Variants in SLC2A5 observed in about 807,000 individuals in gnomAD.
SLC2A5 encodes solute carrier family 2 member 5.
A neutral mutation model predicts 50.3 loss-of-function variants in SLC2A5; 56 were observed. The ratio of observed to expected loss-of-function variants is 1.11; its 90% CI spans 0.90 to 1.39. The LOEUF is 1.39. Among genes scored for constraint, SLC2A5 ranks in the 40% most tolerant of loss-of-function variants. SLC2A5 has a pLI of 0.00. For missense variants in SLC2A5, 566 were observed against 650.1 expected (o/e 0.87, Z 1.41); for synonymous variants, 269 against 281.9 (o/e 0.95, Z 0.46).
At position 9,037,536 on chromosome 1, in the gene SLC2A5, C is replaced by G. The variant is rs1641161929; in HGVS notation, c.*50G>C. 6.5e-7 allele frequency: 1 copy of G among 1,527,030 alleles called. No homozygotes were observed. Among genetic ancestry groups the G allele is most frequent in the South Asian group, 1.1e-5 (1 of 88,570 alleles). The allele number at this position is 1,527,030 out of a possible 1,614,324, so 94.6% of individuals were successfully genotyped here. On this transcript the variant is annotated 3_prime_UTR_variant, in exon 12 of 12. Transcript: ENST00000377424. Reference sequence around the variant, plus strand: ...ACAGCTAGAAGTCAGAAAAATAAGCCAAAGTGGGAAGCCCCTGGCAGACCA... The same window carrying G: ...ACAGCTAGAAGTCAGAAAAATAAGCGAAAGTGGGAAGCCCCTGGCAGACCA...
In SLC2A5 at chr1:9,035,245, G is replaced by T. The variant is rs1372310013; in HGVS notation, c.*2341C>A. ...GGCAGGACCAAGGTTTGAACCCAGG[G>T]AGCAGACATCCAGAACCATGAACTT... is the stretch of plus-strand genomic sequence containing the variant. On this transcript the variant is annotated 3_prime_UTR_variant, in exon 12 of 12. Coordinates refer to ENST00000377424, the MANE Select transcript of SLC2A5 (RefSeq NM_003039.3). 1.3e-5 allele frequency: 2 copies of T among 152,192 alleles called. No individual in the cohort carries two copies. Among genetic ancestry groups the T allele is most frequent in the Non-Finnish European group, 2.9e-5 (2 of 68,048 alleles). The allele number at this position is 152,192 out of a possible 1,614,324, so 9.4% of individuals were successfully genotyped here.
chr1:9,041,329 G>A (rs1315795103), intron 5 of SLC2A5: 2 of 549,316 alleles, frequency 3.6e-6, no homozygotes, highest in Non-Finnish European at 5.5e-6. Context: ...CTCCCCCATG[G>A]GGCCAGGCCA....
intron 1 of SLC2A5, among the ~76,000 whole-genome samples, chr1:9,067,808 A>G (rs1415222497): frequency 6.6e-6 from 1 of 152,148 alleles, no homozygotes; most frequent in Non-Finnish European, 1.5e-5. Flanking sequence ...AACACACAAG[A>G]CAGCCCCTAC....
chr1:9,056,271 C>T lies in SLC2A5; in HGVS notation c.293+1177G>A, dbSNP rs781675607. The stretch of plus-strand genomic sequence containing the variant: ...TGCGATCTTAGCTCACGGCAACCTC[C>T]GCTTCCCAGGCTCAAGCAATTCTCC... On this transcript the variant is annotated intron_variant, in intron 3 of 11. Transcript: ENST00000377424. Among the ~76,000 whole-genome samples, 5 of 152,108 alleles carry T rather than the reference C, an allele frequency of 3.3e-5. No individual in the cohort carries two copies. In the East Asian group the frequency reaches 7.7e-4, roughly 23 times the overall value.
At position 9,039,591 on chromosome 1, in the gene SLC2A5, G is replaced by A. The variant is rs1227581337; in HGVS notation, c.957C>T (p.Ala319=). 1 of 1,575,766 alleles carries A rather than the reference G, an allele frequency of 6.3e-7. No homozygotes were observed. The highest frequency in any genetic ancestry group is 1.8e-5 in the Admixed American group (1 of 55,412). Residue 319 remains alanine, a synonymous_variant, in exon 8 of 12, where the codon GCC becomes GCT. Transcript: ENST00000377424. Reference sequence around the variant, plus strand: ...TGACCACGTTCACGGCCCCGGTGCCGGCCGTCACGTACTGCACGTGCTCCT... The same window carrying A: ...TGACCACGTTCACGGCCCCGGTGCCAGCCGTCACGTACTGCACGTGCTCCT... ...VPEEHVQYVT[A]GTGAVNVVMT...
At chr1:9,078,308 G>T (rs778123802) in intron 2 of SLC2A5, among the ~76,000 whole-genome samples, 1 of 152,266 alleles carries the variant, frequency 6.6e-6, no homozygotes, top group South Asian at 2.1e-4. Context: ...CATCAGCAAG[G>T]TTTTTGTGAC....
At chr1:9,055,417 C>G (rs1406012992) in intron 3 of SLC2A5, among the ~76,000 whole-genome samples, 1 of 151,132 alleles carries the variant, frequency 6.6e-6, no homozygotes, top group Non-Finnish European at 1.5e-5. Flanking sequence ...CTTGGGAGGC[C>G]GAGGCAGGAG....
intron 1 of SLC2A5, among the ~76,000 whole-genome samples, chr1:9,063,759 G>T (rs1277566614): frequency 1.8e-5 from 2 of 108,772 alleles, no homozygotes; most frequent in Non-Finnish European, 3.5e-5. Flanking sequence ...GCAGTGGCGC[G>T]ATCTCGGCTC....
intron 1 of SLC2A5, among the ~76,000 whole-genome samples, chr1:9,059,562 A>AGAGTCTTGC (rs58799445): frequency 0.51 from 48,083 of 94,354 alleles, 9,433 homozygotes; most frequent in East Asian, 0.74. Flanking sequence ...TTTCTGAGAC[A>AGAGTCTTGC]TTTCTTGCCC....
At chr1:9,041,557 C>A in intron 5 of SLC2A5, 1 of 1,370,464 alleles carries the variant, frequency 7.3e-7, no homozygotes, top group Non-Finnish European at 9.5e-7. Flanking sequence ...CCTCATCCAT[C>A]TCCTAAGAGG....
At position 9,058,225 on chromosome 1, in the gene SLC2A5, G is replaced by T; in HGVS notation, c.59C>A (p.Ala20Glu). The part of the protein sequence containing the change: ...EGRLTLVLAL[A>E]TLIAAFGSSF... ...TGACCCAAAGGCAGCTATCAGGGTT[G>T]CCAGGGCAAGCACAAGCGTCAGCCT... The change falls in exon 2 of 12, where the codon GCA (alanine) becomes GAA (glutamate). Residue 20 changes from alanine (A) to glutamate (E), a missense_variant. Transcript: ENST00000377424. The T allele has an allele frequency of 6.2e-7, 1 of 1,614,068 alleles. No homozygotes were observed. The highest frequency in any genetic ancestry group is 8.5e-7 in the Non-Finnish European group (1 of 1,179,920).
chr1:9,060,508 T>C (rs1376968862), intron 1 of SLC2A5, among the ~76,000 whole-genome samples: 4 of 76,620 alleles, frequency 5.2e-5, no homozygotes, highest in East Asian at 6.0e-4. Flanking sequence ...TATGCACACA[T>C]ACATACACCA....
At chr1:9,063,833 C>T (rs2124436747) in intron 1 of SLC2A5, among the ~76,000 whole-genome samples, 1 of 141,826 alleles carries the variant, frequency 7.1e-6, no homozygotes, top group Non-Finnish European at 1.5e-5. Context: ...GTAGCTGGGA[C>T]TACAGGCGCC....
intron 3 of SLC2A5, 105 bp from the exon 4 acceptor site, chr1:9,047,839 G>T: frequency 8.2e-7 from 1 of 1,218,634 alleles, no homozygotes; most frequent in Non-Finnish European, 1.2e-6. Flanking sequence ...AGTTACAGCA[G>T]CTTTACTGCT....
intron 3 of SLC2A5, chr1:9,049,007 A>G: frequency 2.6e-6 from 1 of 385,496 alleles, no homozygotes; most frequent in Non-Finnish European, 5.1e-6. Context: ...AACTTCTTTA[A>G]GCTGATAAAG....
chr1:9,055,239 C>T (rs780583018), intron 3 of SLC2A5, among the ~76,000 whole-genome samples: 6 of 151,950 alleles, frequency 3.9e-5, no homozygotes, highest in South Asian at 2.1e-4. Context: ...GGGGATTAGC[C>T]GGGTGCGGTG....
In SLC2A5 at chr1:9,040,013, C is replaced by T; in HGVS notation, c.698-26G>A. On this transcript the variant is annotated intron_variant, in intron 6 of 11. Transcript: ENST00000377424. The surrounding 1 kb of genome is among the most constrained non-coding windows in gnomAD (Gnocchi z 4.3). The stretch of plus-strand genomic sequence containing the variant: ...CTGGGGAGAAGCGGCACCGTCGGAC[C>T]AGGGCTGGGGAGCAGAACCTGGAGG... The T allele has an allele frequency of 7.5e-6, 12 of 1,596,532 alleles. No individual in the cohort carries two copies. The highest frequency in any genetic ancestry group is 1.0e-5 in the Non-Finnish European group (12 of 1,168,638).
chr1:9,072,053 G>T, upstream of SLC2A5: 1 of 153,214 alleles, frequency 6.5e-6, no homozygotes, highest in Non-Finnish European at 1.4e-5. Flanking sequence ...CCTCACCCGG[G>T]TCCCCTTCAG....
At chr1:9,052,686 TCTC>T (rs1368059291) in intron 3 of SLC2A5, among the ~76,000 whole-genome samples, 4 of 152,170 alleles carry the variant, frequency 2.6e-5, no homozygotes, top group Non-Finnish European at 5.9e-5. Context: ...TATAGCCTCT[TCTC>T]AATTATGTGA....
Sources: allele counts gnomAD v4.1 joint callset (sites outside exome capture counted in the v4.1 genomes callset), GRCh38; gene constraint gnomAD v4.1.1; non-coding constraint Gnocchi (gnomAD v3.1); transcripts MANE v1.5; gene names NCBI Gene and HGNC (gene_info 2026-07-23, HGNC 2026-07-21).